Variants in GRAMD1B observed in about 807,000 individuals in gnomAD.
The protein encoded by GRAMD1B is GRAM domain containing 1B.
GRAMD1B carries 37 observed loss-of-function variants against 99.7 expected under a neutral mutation model. The observed-to-expected ratio is 0.37, with a 90% CI of 0.29 to 0.49. The LOEUF is 0.49. Among genes scored for constraint, GRAMD1B ranks in the 20% least tolerant of loss-of-function variants. The probability of loss-of-function intolerance (pLI) is 0.98; values close to 1 mark genes in which losing one functional copy is unlikely to be tolerated. For missense variants in GRAMD1B, 888 were observed against 1,009.2 expected, an observed-to-expected ratio of 0.88 and a Z score of 1.63; for synonymous variants, 427 against 387.6, an observed-to-expected ratio of 1.10 and a Z score of -1.19.
rs565060239 is a variant in GRAMD1B at position 123,392,291 on chromosome 11, TCTC to T, written c.-176+33495_-176+33497del. 1.1e-4 allele frequency among the ~76,000 whole-genome samples: 16 copies of T among 151,898 alleles called. No individual in the cohort carries two copies. The South Asian group carries it at 3.3e-3, about 32-fold the overall frequency. On this transcript the variant is annotated intron_variant, in intron 1 of 20. Transcript: ENST00000638157. ...ATTCTAGTTTTAGCCTCCAGGTTTT[TCTC>T]CTATTTCTCCTGCCACTCCTACTCA... is the stretch of plus-strand genomic sequence containing the variant.
At chr11:123,568,009 C>T (rs1016372880) in intron 2 of GRAMD1B, among the ~76,000 whole-genome samples, 3 of 152,096 alleles carry the variant, frequency 2.0e-5, no homozygotes, top group South Asian at 2.1e-4. Context: ...TTGAGGAGAT[C>T]CCTAATGAGA....
At chr11:123,479,713 GT>G (rs1345359355) in intron 1 of GRAMD1B, among the ~76,000 whole-genome samples, 8 of 152,116 alleles carry the variant, frequency 5.3e-5, no homozygotes, top group Admixed American at 2.0e-4. Flanking sequence ...CTCTGTCTTA[GT>G]TACTCAACTC....
chr11:123,427,923 T>C (rs1410040466), upstream of GRAMD1B, among the ~76,000 whole-genome samples: 1 of 152,212 alleles, frequency 6.6e-6, no homozygotes, highest in Non-Finnish European at 1.5e-5. Context: ...CTGAAGTGTG[T>C]GGGAAGAGGG....
intron 2 of GRAMD1B, among the ~76,000 whole-genome samples, chr11:123,542,134 G>A (rs1032889625): frequency 1.3e-5 from 2 of 152,166 alleles, no homozygotes; most frequent in African/African-American, 4.8e-5. Flanking sequence ...GTTGGTTTGA[G>A]GACTAAATCA....
chr11:123,594,475 A>G (rs564559982), intron 5 of GRAMD1B, among the ~76,000 whole-genome samples: 252 of 152,138 alleles, frequency 1.7e-3, no homozygotes, highest in African/African-American at 5.5e-3. Context: ...GGTCTTTTCC[A>G]CCTCTTGCTT....
intron 2 of GRAMD1B, among the ~76,000 whole-genome samples, chr11:123,526,566 T>C (rs1320377665): frequency 1.3e-5 from 2 of 152,188 alleles, no homozygotes; most frequent in African/African-American, 2.4e-5. Flanking sequence ...GTACTCTTCC[T>C]TAGCCCTGAC....
chr11:123,562,002 G>A (rs1305127210), intron 2 of GRAMD1B, among the ~76,000 whole-genome samples: 1 of 152,080 alleles, frequency 6.6e-6, no homozygotes, highest in African/African-American at 2.4e-5. Flanking sequence ...TTAAGCAACT[G>A]CAAAACAATC....
chr11:123,530,200 T>TG (rs1491162637), intron 2 of GRAMD1B, among the ~76,000 whole-genome samples: 1 of 7,492 alleles, frequency 1.3e-4, no homozygotes, highest in Non-Finnish European at 5.7e-4. Flanking sequence ...GGAGGGTCCA[T>TG]TTTTTTTTTT....
At chr11:123,467,451 C>T (rs1950744097) in intron 1 of GRAMD1B, among the ~76,000 whole-genome samples, 1 of 137,622 alleles carries the variant, frequency 7.3e-6, no homozygotes, top group Non-Finnish European at 1.5e-5. Flanking sequence ...AATGGAGAGC[C>T]ATATTCTTTC....
At chr11:123,541,593 A>G (rs1208552885) in intron 2 of GRAMD1B, among the ~76,000 whole-genome samples, 1 of 62,060 alleles carries the variant, frequency 1.6e-5, no homozygotes, top group South Asian at 4.1e-4. Flanking sequence ...TGTCTTTTTT[A>G]TTCGTTGGAA....
chr11:123,499,836 G>C (rs1029329209), intron 2 of GRAMD1B, among the ~76,000 whole-genome samples: 8 of 152,184 alleles, frequency 5.3e-5, no homozygotes, highest in African/African-American at 1.7e-4. Context: ...TGAATTTAGA[G>C]TTGGAATTTT....
chr11:123,421,678 A>G (rs1948440786), intron 1 of GRAMD1B, among the ~76,000 whole-genome samples: 1 of 152,240 alleles, frequency 6.6e-6, no homozygotes, highest in African/African-American at 2.4e-5. Context: ...CAGAATTAAT[A>G]TATCTTCCAG....
chr11:123,383,133 T>C (rs1265191008), intron 1 of GRAMD1B, among the ~76,000 whole-genome samples: 4 of 152,116 alleles, frequency 2.6e-5, no homozygotes, highest in Non-Finnish European at 4.4e-5. Flanking sequence ...AATCTTACTG[T>C]GAGAACACTC....
chr11:123,377,701 A>C (rs1349228558), intron 1 of GRAMD1B, among the ~76,000 whole-genome samples: 1 of 152,240 alleles, frequency 6.6e-6, no homozygotes, highest in Admixed American at 6.5e-5. Context: ...TGCAAGTAAC[A>C]TTCAGAAGAG....
chr11:123,575,904 A>G (rs892055427), intron 2 of GRAMD1B, among the ~76,000 whole-genome samples: 3 of 152,166 alleles, frequency 2.0e-5, no homozygotes, highest in African/African-American at 7.2e-5. Context: ...TTAAATGCAA[A>G]TTCTGTTTTA....
intron 2 of GRAMD1B, chr11:123,491,573 C>T (rs1938563742): frequency 7.5e-6 from 2 of 267,980 alleles, no homozygotes; most frequent in African/African-American, 2.2e-5. Context: ...AGAGCTCTGC[C>T]AGATGTTGAA....
chr11:123,473,157 G>A (rs1207913001), intron 1 of GRAMD1B, among the ~76,000 whole-genome samples: 2 of 151,968 alleles, frequency 1.3e-5, no homozygotes, highest in South Asian at 2.1e-4. Context: ...CTCTGCCTCC[G>A]GGTTCAAACA....
chr11:123,527,175 G>A lies in GRAMD1B; in HGVS notation c.452+46282G>A, dbSNP rs186120237. On this transcript the variant is annotated intron_variant, in intron 2 of 19. Coordinates refer to ENST00000635736, the MANE Select transcript of GRAMD1B (RefSeq NM_001387025.1). ...GCCTTCATTGCGGCTGGCTGTCCAC[G>A]CGTGGGGTGGGGTGGCGGCAGGTCA... Among the ~76,000 whole-genome samples, 405 of 152,262 alleles carry A rather than the reference G, an allele frequency of 2.7e-3. 3 individuals are homozygous for A. The highest frequency in any genetic ancestry group is 8.8e-3 in the African/African-American group (364 of 41,540).
At chr11:123,617,753 CCCATGATGATGTCT>C (rs1954621542) in intron 17 of GRAMD1B, among the ~76,000 whole-genome samples, 1 of 152,174 alleles carries the variant, frequency 6.6e-6, no homozygotes, top group Admixed American at 6.5e-5. Flanking sequence ...ATCCTCTCTA[CCCATGATGATGTCT>C]TCATCTCTTC....
Sources: allele counts gnomAD v4.1 joint callset (sites outside exome capture counted in the v4.1 genomes callset), GRCh38; gene constraint gnomAD v4.1.1; transcripts MANE v1.5; gene names NCBI Gene and HGNC (gene_info 2026-07-23, HGNC 2026-07-21).